Variants in MASP1 observed in about 807,000 individuals in gnomAD.
MASP1 encodes mannan-binding lectin serine protease 1.
A neutral mutation model predicts 77.1 loss-of-function variants in MASP1; 59 were observed. That is an observed-to-expected ratio of 0.77 (90% confidence interval 0.62 to 0.95). The LOEUF is 0.95. Among genes scored for constraint, MASP1 ranks in the 40% least tolerant of loss-of-function variants. The pLI is 0.00. For synonymous variants in MASP1, 362 were observed against 354.5 expected, an observed-to-expected ratio of 1.02 and a Z score of -0.24; for missense variants, 885 against 912.9, an observed-to-expected ratio of 0.97 and a Z score of 0.39.
chr3:187,246,973 C>T (rs1714134798), intron 8 of MASP1: 1 of 1,157,158 alleles, frequency 8.6e-7, no homozygotes, highest in South Asian at 2.3e-5. Context: ...CCACTTTGAT[C>T]TGGTCAGCCT....
chr3:187,285,151 A>G (rs1717744080), intron 2 of MASP1, among the ~76,000 whole-genome samples: 2 of 80,758 alleles, frequency 2.5e-5, no homozygotes, highest in African/African-American at 6.5e-5. Flanking sequence ...CTTCCCACCC[A>G]TGGAATTTTT....
intron 13 of MASP1, chr3:187,223,201 G>A (rs368764190): frequency 1.2e-6 from 2 of 1,613,462 alleles, no homozygotes; most frequent in African/African-American, 2.7e-5. Context: ...GCTCCTGGAG[G>A]AGAGAAGATA....
intron 2 of MASP1, among the ~76,000 whole-genome samples, chr3:187,281,582 C>T (rs1390809308): frequency 6.6e-6 from 1 of 152,186 alleles, no homozygotes; most frequent in Non-Finnish European, 1.5e-5. Context: ...CCAAGGCATC[C>T]CCAGCAGGCT....
intron 1 of MASP1, among the ~76,000 whole-genome samples, chr3:187,287,011 C>G (rs929772777): frequency 6.6e-6 from 1 of 152,156 alleles, no homozygotes; most frequent in African/African-American, 2.4e-5. Flanking sequence ...TTTTGGAAAT[C>G]CATCTCTCCT....
At chr3:187,226,516 G>A (rs1329502249) in exon 12 of MASP1, 16 of 1,605,270 alleles carry the variant, frequency 1.0e-5, no homozygotes, top group Non-Finnish European at 1.4e-5. Context: ...CGATCCAGCT[G>A]GAGCCTGGGG....
intron 1 of MASP1, 30 bp from the exon 2 acceptor site, chr3:187,286,086 A>G: frequency 6.5e-7 from 1 of 1,543,194 alleles, no homozygotes; most frequent in Non-Finnish European, 9.0e-7. Flanking sequence ...GTCTACTTAC[A>G]TTTATAAACA....
intron 13 of MASP1, among the ~76,000 whole-genome samples, chr3:187,224,638 G>A (rs749335895): frequency 5.5e-4 from 83 of 152,098 alleles, no homozygotes; most frequent in South Asian, 8.3e-4. Flanking sequence ...GAGCCACCGC[G>A]CCCGGCCTGT....
intron 5 of MASP1, among the ~76,000 whole-genome samples, chr3:187,255,211 G>C (rs1714972109): frequency 6.6e-6 from 1 of 152,272 alleles, no homozygotes; most frequent in Admixed American, 6.5e-5. Flanking sequence ...AAGTCAGGGA[G>C]ATTTGAAGTG....
At chr3:187,238,334 G>A (rs899825884) in intron 10 of MASP1, among the ~76,000 whole-genome samples, 5 of 152,228 alleles carry the variant, frequency 3.3e-5, no homozygotes, top group African/African-American at 1.2e-4. Flanking sequence ...TAATGGGAAA[G>A]CCAGAACTCG....
intron 2 of MASP1, 90 bp from the exon 3 acceptor site, chr3:187,262,810 C>T (rs1715712292): frequency 8.4e-7 from 1 of 1,187,606 alleles, no homozygotes; most frequent in Non-Finnish European, 1.2e-6. Context: ...AAGGGGCCAC[C>T]CAAGAGTAGG....
At chr3:187,228,768 C>G (rs1051871121) in intron 11 of MASP1, among the ~76,000 whole-genome samples, 2 of 152,188 alleles carry the variant, frequency 1.3e-5, no homozygotes, top group Non-Finnish European at 2.9e-5. Flanking sequence ...ACTCTCTTTA[C>G]CTCTCTGGGG....
intron 13 of MASP1, chr3:187,223,301 GTTC>G: frequency 3.2e-6 from 3 of 924,476 alleles, no homozygotes; most frequent in East Asian, 4.9e-5. Flanking sequence ...AGACTGGATT[GTTC>G]TTCTCAGAGA....
intron 4 of MASP1, 91 bp from the exon 5 acceptor site, chr3:187,256,951 C>T (rs1018912894): frequency 5.4e-6 from 6 of 1,119,762 alleles, no homozygotes; most frequent in Non-Finnish European, 8.1e-6. Context: ...TCCCAATGGT[C>T]CCAAGCAGTA....
rs182060318 is a variant in MASP1, at chr3:187,278,989, G to A, written c.237+6836C>T. On this transcript the variant is annotated intron_variant, in intron 2 of 10. Coordinates refer to ENST00000296280, the MANE Select transcript of MASP1 (RefSeq NM_139125.4). ...CCGAACCCCACTGCCCCACCCCTCC[G>A]CCACATCACAGCTTCTAATTGGACG... 7.2e-4 allele frequency among the ~76,000 whole-genome samples: 102 copies of A among 140,874 alleles called. 3 individuals are homozygous for A. Among genetic ancestry groups the A allele is most frequent in the Non-Finnish European group, 5.3e-4 (35 of 65,474 alleles). The allele number at this position is 140,874 out of a possible 152,430, so 92.4% of individuals were successfully genotyped here.
intron 6 of MASP1, among the ~76,000 whole-genome samples, chr3:187,252,024 T>G (rs969658753): frequency 3.9e-5 from 6 of 152,218 alleles, no homozygotes; most frequent in Admixed American, 2.0e-4. Flanking sequence ...TAAATGTCAT[T>G]AAATCCAATC....
At chr3:187,253,838 G>A (rs776884778) in intron 5 of MASP1, among the ~76,000 whole-genome samples, 3 of 152,088 alleles carry the variant, frequency 2.0e-5, no homozygotes, top group Non-Finnish European at 4.4e-5. Context: ...GGGCCTGTCA[G>A]GGGGTGGCGG....
chr3:187,222,835 G>A (rs937690933), intron 14 of MASP1, among the ~76,000 whole-genome samples: 2 of 152,164 alleles, frequency 1.3e-5, no homozygotes, highest in South Asian at 2.1e-4. Flanking sequence ...GTCACCATGG[G>A]GGTGTCTAAA....
chr3:187,251,752 C>T lies in MASP1; in HGVS notation c.893G>A (p.Gly298Glu). ...AGGCTGTAGCTCTGGGCACTCATTT[C>T]CTGGTGAGGAGCAAATGAAAGAACA... is the stretch of plus-strand genomic sequence containing the variant. ...RGWRLSYRAAGNECPELQPPV... is the reference protein window; with the variant it reads ...RGWRLSYRAAENECPELQPPV... Residue 298 changes from glycine to glutamate, a missense_variant and splice_region_variant, in exon 7 of 11, where the codon GGA (glycine) becomes GAA (glutamate). Coordinates refer to ENST00000296280, the MANE Select transcript of MASP1 (RefSeq NM_139125.4). The T allele has an allele frequency of 1.2e-6, 2 of 1,611,024 alleles. No individual in the cohort carries two copies. Among genetic ancestry groups the T allele is most frequent in the South Asian group, 1.1e-5 (1 of 91,016 alleles).
downstream of MASP1, among the ~76,000 whole-genome samples, chr3:187,231,038 C>T (rs1462210791): frequency 6.6e-6 from 1 of 152,220 alleles, no homozygotes; most frequent in Non-Finnish European, 1.5e-5. Context: ...CAGCATCATT[C>T]CACATGCCCA....
Sources: allele counts gnomAD v4.1 joint callset (sites outside exome capture counted in the v4.1 genomes callset), GRCh38; gene constraint gnomAD v4.1.1; transcripts MANE v1.5; gene names NCBI Gene and HGNC (gene_info 2026-07-23, HGNC 2026-07-21).